Variants in TMPRSS11D observed in about 807,000 individuals in gnomAD.
TMPRSS11D encodes transmembrane serine protease 11D.
In TMPRSS11D, 32 loss-of-function variants were observed where a neutral mutation model predicts 44.4. The ratio of observed to expected loss-of-function variants is 0.72; its 90% CI spans 0.54 to 0.97. The LOEUF is 0.97. Among genes scored for constraint, TMPRSS11D ranks in the 50% least tolerant of loss-of-function variants. TMPRSS11D has a pLI of 0.00. For synonymous variants in TMPRSS11D, 179 were observed against 177.9 expected (o/e 1.01, Z -0.05); for missense variants, 446 against 502.6 (o/e 0.89, Z 1.08).
chr4:67,872,870 G>C (rs1005414562), intron 1 of TMPRSS11D, among the ~76,000 whole-genome samples: 1 of 152,154 alleles, frequency 6.6e-6, no homozygotes, highest in African/African-American at 2.4e-5. Context: ...ACACATCAGA[G>C]TTTTGAAATG....
At chr4:67,840,778 C>T (rs112545642) in intron 4 of TMPRSS11D, among the ~76,000 whole-genome samples, 2,881 of 152,134 alleles carry the variant, frequency 0.019, 90 homozygotes, top group African/African-American at 0.062. Flanking sequence ...ATCTCATGTA[C>T]TCCAAAAATA....
At chr4:67,828,252 C>T (rs1403786795) in intron 7 of TMPRSS11D, among the ~76,000 whole-genome samples, 1 of 151,974 alleles carries the variant, frequency 6.6e-6, no homozygotes, top group Non-Finnish European at 1.5e-5. Context: ...ATCAAAGCAA[C>T]ATGAATGCTG....
intron 3 of TMPRSS11D, among the ~76,000 whole-genome samples, chr4:67,853,603 T>G (rs962762129): frequency 1.3e-5 from 2 of 152,206 alleles, no homozygotes; most frequent in African/African-American, 4.8e-5. Flanking sequence ...TCAAACTTGC[T>G]TTGCATATTT....
chr4:67,827,996 A>C (rs1717846913), intron 7 of TMPRSS11D, among the ~76,000 whole-genome samples: 1 of 151,784 alleles, frequency 6.6e-6, no homozygotes, highest in Admixed American at 6.6e-5. Flanking sequence ...ATGGATGAAT[A>C]ATTTTTCTGC....
At chr4:67,882,852 A>G (rs1719352030) in intron 1 of TMPRSS11D, among the ~76,000 whole-genome samples, 1 of 149,886 alleles carries the variant, frequency 6.7e-6, no homozygotes, top group African/African-American at 2.5e-5. Context: ...AGTAAATACA[A>G]TTTTGTGATT....
chr4:67,842,483 A>G (rs570101272), intron 4 of TMPRSS11D, 75 bp downstream of exon 4: 4 of 1,202,600 alleles, frequency 3.3e-6, no homozygotes, highest in East Asian at 4.7e-5. Flanking sequence ...GTCATTTACT[A>G]TTCATTCTGT....
chr4:67,877,330 G>C (rs1458026306), intron 1 of TMPRSS11D, among the ~76,000 whole-genome samples: 2 of 151,980 alleles, frequency 1.3e-5, no homozygotes, highest in East Asian at 3.9e-4. Flanking sequence ...AGAATTACTT[G>C]AAGACTTGGA....
Position 67,845,758 on chromosome 4 carries a change from T to C in TMPRSS11D, c.250-3133A>G, listed in dbSNP as rs147411990. Among the ~76,000 whole-genome samples, 7 of 152,288 alleles carry C rather than the reference T, an allele frequency of 4.6e-5. No individual in the cohort carries two copies. In the East Asian group the frequency reaches 1.3e-3, roughly 29 times the overall value. ...AGGTGACAATATTATTTTTTAAATC[T>C]AGAATAGTCTAGAATCCTTAATATC... On this transcript the variant is annotated intron_variant, in intron 3 of 9. Coordinates refer to ENST00000283916, the MANE Select transcript of TMPRSS11D (RefSeq NM_004262.3).
At chr4:67,878,047 C>A (rs1382352133) in intron 1 of TMPRSS11D, among the ~76,000 whole-genome samples, 1 of 152,100 alleles carries the variant, frequency 6.6e-6, no homozygotes, top group Non-Finnish European at 1.5e-5. Flanking sequence ...GAAAAAAATT[C>A]TAATGTAGTA....
chr4:67,824,903 A>G (rs368960009), intron 9 of TMPRSS11D, among the ~76,000 whole-genome samples: 12 of 152,134 alleles, frequency 7.9e-5, no homozygotes, highest in African/African-American at 2.9e-4. Context: ...GTTGGATTTC[A>G]GATATGTGAA....
Position 67,845,143 on chromosome 4 carries a change from C to T in TMPRSS11D, c.250-2518G>A, listed in dbSNP as rs138945891. ...CTGTTATGTGGACAACATTAAGAGG[C>T]AATTTAGTAAGGACTAAGATAATAA... On this transcript the variant is annotated intron_variant, in intron 3 of 9. Transcript: ENST00000283916. 4.6e-5 allele frequency among the ~76,000 whole-genome samples: 7 copies of T among 152,080 alleles called. No individual in the cohort carries two copies. The East Asian group carries it at 1.2e-3, about 25-fold the overall frequency.
intron 1 of TMPRSS11D, among the ~76,000 whole-genome samples, chr4:67,861,746 T>C (rs1263640387): frequency 4.6e-5 from 7 of 152,208 alleles, no homozygotes; most frequent in African/African-American, 1.7e-4. Context: ...CCATGAGACA[T>C]ATGACTCAAC....
intron 1 of TMPRSS11D, among the ~76,000 whole-genome samples, chr4:67,870,397 T>A (rs1403243937): frequency 6.6e-6 from 1 of 152,212 alleles, no homozygotes. Context: ...GACTTTGTGC[T>A]TGCTCTTCCG....
At chr4:67,880,832 A>G (rs1234500907) in intron 1 of TMPRSS11D, among the ~76,000 whole-genome samples, 1 of 152,126 alleles carries the variant, frequency 6.6e-6, no homozygotes, top group Non-Finnish European at 1.5e-5. Context: ...CTGAGTGCAT[A>G]TATTATTTTA....
chr4:67,839,914 T>C (rs184939782), intron 4 of TMPRSS11D, among the ~76,000 whole-genome samples: 22 of 151,942 alleles, frequency 1.4e-4, no homozygotes, highest in East Asian at 1.4e-3. Flanking sequence ...ATGTGCCATG[T>C]TGGTGTGCTG....
chr4:67,846,840 A>G (rs1718369785), intron 3 of TMPRSS11D, among the ~76,000 whole-genome samples: 1 of 152,194 alleles, frequency 6.6e-6, no homozygotes, highest in African/African-American at 2.4e-5. Context: ...TCAATCACCT[A>G]ATGATGGACA....
At chr4:67,855,247 T>G (rs1478574485) in intron 2 of TMPRSS11D, among the ~76,000 whole-genome samples, 1 of 44,770 alleles carries the variant, frequency 2.2e-5, no homozygotes. Context: ...AGAGCAAGAC[T>G]GTCTCAAAAA....
At chr4:67,872,806 T>C (rs1258545882) in intron 1 of TMPRSS11D, among the ~76,000 whole-genome samples, 2 of 152,198 alleles carry the variant, frequency 1.3e-5, no homozygotes, top group Non-Finnish European at 2.9e-5. Flanking sequence ...GATATTGGAA[T>C]ACAGGAGTGT....
intron 9 of TMPRSS11D, among the ~76,000 whole-genome samples, chr4:67,824,667 T>A (rs188511751): frequency 6.6e-6 from 1 of 152,256 alleles, no homozygotes; most frequent in East Asian, 1.9e-4. Context: ...GATTGGGGGC[T>A]TTCCATGAAA....
Sources: allele counts gnomAD v4.1 joint callset (sites outside exome capture counted in the v4.1 genomes callset), GRCh38; gene constraint gnomAD v4.1.1; transcripts MANE v1.5; gene names NCBI Gene and HGNC (gene_info 2026-07-23, HGNC 2026-07-21).